Variants in CFAP20DC observed in about 807,000 individuals in gnomAD.
CFAP20DC encodes the protein CFAP20 domain containing.
Under a neutral mutation model 101.7 loss-of-function variants are expected in CFAP20DC, and 84 were observed. The ratio of observed to expected loss-of-function variants is 0.83; its 90% CI spans 0.69 to 0.99. CFAP20DC has a LOEUF of 0.99. Ranked by LOEUF, CFAP20DC falls within the 50% of genes least tolerant of loss-of-function variation. The pLI, the probability that CFAP20DC is intolerant of heterozygous loss-of-function variation, is 0.00. For missense variants in CFAP20DC, 1,007 were observed against 970.3 expected (o/e 1.04, Z -0.50); for synonymous variants, 359 against 351.2 (o/e 1.02, Z -0.25).
rs549107468 is a variant in CFAP20DC, at chr3:58,729,665, A to G, written c.198-12037T>C. 6.6e-6 allele frequency among the ~76,000 whole-genome samples: 1 copy of G among 152,216 alleles called. No individual in the cohort carries two copies. The highest frequency in any genetic ancestry group is 6.5e-5 in the Admixed American group (1 of 15,292). ...TCTGGCTTTATTTGTATTTATTTGT[A>G]TAAGCTTTTTAGTTGTTCCCAATGC... is the stretch of plus-strand genomic sequence containing the variant. On this transcript the variant is annotated intron_variant, in intron 3 of 3. Coordinates refer to the CFAP20DC transcript ENST00000486145. The surrounding 1 kb of genome is among the most constrained non-coding windows in gnomAD (Gnocchi z 4.4).
chr3:58,770,289 G>C (rs1468155492), intron 15 of CFAP20DC, among the ~76,000 whole-genome samples: 1 of 152,180 alleles, frequency 6.6e-6, no homozygotes, highest in African/African-American at 2.4e-5. Context: ...TATCATCATA[G>C]TTGCTTTATA....
chr3:58,821,464 C>G, intron 14 of CFAP20DC, among the ~76,000 whole-genome samples: 1 of 151,818 alleles, frequency 6.6e-6, no homozygotes, highest in Middle Eastern at 3.2e-3. Context: ...AACAAACAAC[C>G]CCATCAAAAA....
rs1333712333 is a variant in CFAP20DC, at chr3:58,753,880, G to A, written c.2238-17C>T. 6.5e-7 allele frequency: 1 copy of A among 1,532,530 alleles called. No homozygotes were observed. The highest frequency in any genetic ancestry group is 1.1e-5 in the South Asian group (1 of 87,214). 94.9% of individuals were successfully genotyped at this position (1,532,530 alleles called of 1,614,324 possible). A position where few individuals can be genotyped will look rare whatever the true frequency, so the allele number is the denominator to read the frequency against. ...AACCAGTCCCTAAAAAGAAAACAAA[G>A]TGAATGAGCATGTCTGGAATTCCAT... On this transcript the variant is annotated splice_polypyrimidine_tract_variant and intron_variant, in intron 15 of 16. Transcript: ENST00000482387.
At chr3:58,745,937 A>C (rs2068162344) in intron 16 of CFAP20DC, among the ~76,000 whole-genome samples, 1 of 152,196 alleles carries the variant, frequency 6.6e-6, no homozygotes, top group Non-Finnish European at 1.5e-5. Flanking sequence ...TCCTATGAGG[A>C]CTAAATAACA....
chr3:58,907,229 C>T (rs773786687), intron 6 of CFAP20DC, among the ~76,000 whole-genome samples: 6 of 151,992 alleles, frequency 3.9e-5, no homozygotes, highest in South Asian at 2.1e-4. Flanking sequence ...ATTTATATGT[C>T]GGCAACCTAT....
intron 4 of CFAP20DC, among the ~76,000 whole-genome samples, chr3:58,939,646 G>T (rs576935823): frequency 6.6e-6 from 1 of 151,600 alleles, no homozygotes; most frequent in African/African-American, 2.4e-5. Context: ...TTTTAGTAGA[G>T]ACAGGGTTTC....
chr3:58,994,694 T>C (rs1340846730), intron 4 of CFAP20DC, among the ~76,000 whole-genome samples: 1 of 152,216 alleles, frequency 6.6e-6, no homozygotes, highest in East Asian at 1.9e-4. Flanking sequence ...TATTATGTTT[T>C]ATTTGAAATG....
chr3:58,730,048 A>T (rs1575517110), intron 3 of CFAP20DC, among the ~76,000 whole-genome samples: 1 of 151,180 alleles, frequency 6.6e-6, no homozygotes, highest in Non-Finnish European at 1.5e-5. Context: ...AAGAAAGTTG[A>T]AATCCTCTGC....
intron 4 of CFAP20DC, among the ~76,000 whole-genome samples, chr3:58,954,116 C>T (rs1415018856): frequency 6.6e-6 from 1 of 152,130 alleles, no homozygotes; most frequent in African/African-American, 2.4e-5. Context: ...ATTTGCAAAC[C>T]ACTTGAAAGT....
chr3:58,790,744 A>G (rs558613857), intron 15 of CFAP20DC, among the ~76,000 whole-genome samples: 19 of 152,300 alleles, frequency 1.2e-4, no homozygotes, highest in African/African-American at 4.6e-4. Flanking sequence ...TCTTTGGATT[A>G]CATCTAGATT....
At chr3:58,890,073 C>A (rs1005953507) in intron 6 of CFAP20DC, among the ~76,000 whole-genome samples, 1 of 150,976 alleles carries the variant, frequency 6.6e-6, no homozygotes, top group Non-Finnish European at 1.5e-5. Context: ...TTGGGCACAC[C>A]TCCCAGACGG....
intron 4 of CFAP20DC, among the ~76,000 whole-genome samples, chr3:59,025,801 A>G (rs72883333): frequency 0.19 from 29,116 of 152,068 alleles, 2,852 homozygotes; most frequent in African/African-American, 0.22. Context: ...TGTTTTACAT[A>G]CTAAAAACAC....
chr3:58,979,573 T>G (rs1319368641), intron 4 of CFAP20DC, among the ~76,000 whole-genome samples: 4 of 152,146 alleles, frequency 2.6e-5, no homozygotes, highest in Non-Finnish European at 5.9e-5. Context: ...GCTCTGAACT[T>G]CCATAAGAGA....
chr3:58,789,521 G>C (rs551301242), intron 15 of CFAP20DC, among the ~76,000 whole-genome samples: 2 of 152,270 alleles, frequency 1.3e-5, no homozygotes, highest in African/African-American at 2.4e-5. Context: ...ATGCTAAAAA[G>C]GCTCTGTGAG....
At chr3:58,831,461 C>G (rs1402175112) in intron 14 of CFAP20DC, among the ~76,000 whole-genome samples, 2 of 152,102 alleles carry the variant, frequency 1.3e-5, no homozygotes, top group Non-Finnish European at 2.9e-5. Flanking sequence ...TTTGATATAT[C>G]ATCATATATA....
At chr3:58,862,131 T>G in intron 12 of CFAP20DC, 1 of 946,252 alleles carries the variant, frequency 1.1e-6, no homozygotes, top group Non-Finnish European at 1.3e-6. Flanking sequence ...ACTTCTCTCA[T>G]AGTTTTCCAG....
intron 6 of CFAP20DC, among the ~76,000 whole-genome samples, chr3:58,885,439 G>A (rs992255713): frequency 3.3e-5 from 5 of 151,996 alleles, no homozygotes; most frequent in Non-Finnish European, 7.4e-5. Flanking sequence ...AGGGTAATGA[G>A]CATATTCATC....
intron 4 of CFAP20DC, among the ~76,000 whole-genome samples, chr3:58,957,065 T>C (rs540798060): frequency 9.2e-5 from 14 of 152,194 alleles, no homozygotes; most frequent in African/African-American, 2.9e-4. Context: ...ACTGAAGGGA[T>C]AGTCCACAGA....
chr3:58,849,069 A>G lies in CFAP20DC; in HGVS notation c.1934T>C (p.Ile645Thr). Residue 645 changes from isoleucine to threonine, a missense_variant, in exon 13 of 17, where the codon ATC (isoleucine) becomes ACC (threonine). Transcript: ENST00000482387. ...GATCGAGCTCAGCCTTTCCCCTGAG[A>G]TTTCTTTCAGGGAGGTTTTGTTTAG... ...ASLNKTSLKEISGERLSSIPE... is the reference protein window; with the variant it reads ...ASLNKTSLKETSGERLSSIPE... 2.6e-6 allele frequency: 4 copies of G among 1,535,902 alleles called. No homozygotes were observed. The highest frequency in any genetic ancestry group is 3.5e-6 in the Non-Finnish European group (4 of 1,146,856).
Sources: allele counts gnomAD v4.1 joint callset (sites outside exome capture counted in the v4.1 genomes callset), GRCh38; gene constraint gnomAD v4.1.1; non-coding constraint Gnocchi (gnomAD v3.1); transcripts MANE v1.5; gene names NCBI Gene and HGNC (gene_info 2026-07-23, HGNC 2026-07-21).